Variants in MFRP observed in about 807,000 individuals in gnomAD.
MFRP encodes the protein C1q and TNF related 5.
MFRP carries 74 observed loss-of-function variants against 65.8 expected under a neutral mutation model. The observed-to-expected ratio is 1.12, with a 90% confidence interval of 0.93 to 1.36. The LOEUF (loss-of-function observed/expected upper bound fraction) is 1.36, where lower values mean the gene tolerates loss of function less well. Among genes scored for constraint, MFRP ranks in the 40% most tolerant of loss-of-function variants. The probability of loss-of-function intolerance (pLI) is 0.00; values close to 1 mark genes in which losing one functional copy is unlikely to be tolerated. For synonymous variants in MFRP, 336 were observed against 288.3 expected (o/e 1.17, Z -1.68); for missense variants, 838 against 736.0 (o/e 1.14, Z -1.60).
At chr11:119,345,335 G>A (rs1263524692) in intron 5 of MFRP, 85 bp downstream of exon 5, 5 of 1,387,190 alleles carry the variant, frequency 3.6e-6, no homozygotes, top group Middle Eastern at 2.0e-4. Context: ...TCCTCGGTTA[G>A]CCCTTCTCCC....
intron 8 of MFRP, 59 bp from the exon 9 acceptor site, chr11:119,344,023 C>T: frequency 1.9e-6 from 3 of 1,603,450 alleles, no homozygotes; most frequent in Admixed American, 1.7e-5. Flanking sequence ...ATCCCGGGCA[C>T]CCAGAAGGGT....
chr11:119,343,760 G>A (rs138105835), intron 9 of MFRP, 56 bp downstream of exon 9: 19 of 1,604,948 alleles, frequency 1.2e-5, no homozygotes, highest in South Asian at 5.5e-5. Flanking sequence ...CATGGAAGCC[G>A]GGGGTGGCAG....
intron 8 of MFRP, 95 bp from the exon 9 acceptor site, chr11:119,344,059 G>A (rs1268520880): frequency 1.8e-5 from 27 of 1,519,272 alleles, no homozygotes; most frequent in Non-Finnish European, 2.2e-5. Context: ...CTGGCTGGGG[G>A]GATGGGGTGG....
Position 119,343,861 on chromosome 11 carries a change from T to G in MFRP, c.1079A>C (p.Glu360Ala), listed in dbSNP as rs951438517. The change falls in exon 9 of 15, where the codon GAG becomes GCG. Residue 360 changes from glutamate (E) to alanine (A), a missense_variant. Glu to Ala is a moderately radical substitution (Grantham distance 107, BLOSUM62 -1). Transcript: ENST00000619721. ...CCCTGAGCTGCTGGTCTCATACACCTCCACGTAGTCAAACTTGCACTCGTC... is the reference window on the plus strand; with the variant it reads ...CCCTGAGCTGCTGGTCTCATACACCGCCACGTAGTCAAACTTGCACTCGTC... ...AQDECKFDYV[E>A]VYETSSSGAF... 1.2e-6 allele frequency: 2 copies of G among 1,613,904 alleles called. No individual in the cohort carries two copies. Among genetic ancestry groups the G allele is most frequent in the Non-Finnish European group, 1.7e-6 (2 of 1,180,004 alleles).
intron 2 of MFRP, 46 bp downstream of exon 2, chr11:119,346,226 C>A (rs1565296378): frequency 1.3e-6 from 2 of 1,572,314 alleles, no homozygotes; most frequent in Admixed American, 3.7e-5. Flanking sequence ...GTCCTTGGCT[C>A]CTGGGCCTCT....
chr11:119,342,133 AC>A (rs1212513500), intron 11 of MFRP, 149 bp from the exon 12 acceptor site: 3 of 964,536 alleles, frequency 3.1e-6, no homozygotes, highest in Non-Finnish European at 4.7e-6. Context: ...GACAGGCTGT[AC>A]ACACTCTGAG....
Position 119,342,488 on chromosome 11 carries a change from G to A in MFRP, c.1387+108C>T, listed in dbSNP as rs895309054. The A allele has an allele frequency of 4.3e-5, 62 of 1,443,582 alleles. 1 individual carries two copies. The Admixed American group carries it at 5.4e-4, about 13-fold the overall frequency. The allele number at this position is 1,443,582 out of a possible 1,614,324, so 89.4% of individuals were successfully genotyped here. A position where few individuals can be genotyped will look rare whatever the true frequency, so the allele number is the denominator to read the frequency against. On this transcript the variant is annotated intron_variant, in intron 11 of 14. Transcript: ENST00000619721. ...AGAGTCAGGATGGTGAGGCCAGCTG[G>A]CCCCGCCCCCTCAGGGAGGTTGGGA...
intron 4 of MFRP, 38 bp downstream of exon 4, chr11:119,345,735 T>G (rs1950557895): frequency 6.2e-7 from 1 of 1,613,180 alleles, no homozygotes; most frequent in Admixed American, 1.7e-5. Flanking sequence ...CCCGTCATCT[T>G]GGGCCCTTCT....
At position 119,342,858 on chromosome 11, in the gene MFRP, C is replaced by A. The variant is rs373984029; in HGVS notation, c.1255+15G>T. 1 of 1,613,114 alleles carries A rather than the reference C, an allele frequency of 6.2e-7. No homozygotes were observed. Among genetic ancestry groups the A allele is most frequent in the African/African-American group, 1.3e-5 (1 of 75,058 alleles). On this transcript the variant is annotated intron_variant, in intron 10 of 14. Transcript: ENST00000619721. ...TGCCTCTACTGCCCCCACCCACTTG[C>A]CCAGGGGCACCTACTCTCCGTGGCA...
chr11:119,342,078 G>A (rs1950508611), intron 11 of MFRP, 94 bp from the exon 12 acceptor site: 5 of 1,474,692 alleles, frequency 3.4e-6, no homozygotes, highest in Non-Finnish European at 4.7e-6. Flanking sequence ...GTGTGTACAT[G>A]GGTCCAATGG....
chr11:119,343,122 A>T, intron 9 of MFRP, 119 bp from the exon 10 acceptor site: 2 of 1,280,748 alleles, frequency 1.6e-6, no homozygotes, highest in Non-Finnish European at 2.2e-6. Context: ...GTGATGGAAG[A>T]CACAGGGTTA....
rs1382095043 is a variant in MFRP, at chr11:119,341,533, G to A, written c.*15C>T. 5 of 1,607,776 alleles carry A rather than the reference G, an allele frequency of 3.1e-6. No individual in the cohort carries two copies. In the South Asian group the frequency reaches 4.4e-5, roughly 14 times the overall value. ...AAGAGGACGGGCAGGAAGAGGGCAG[G>A]GGCCGGCTTCAGGGTCAGGGCTGGG... On this transcript the variant is annotated 3_prime_UTR_variant, in exon 13 of 15. Transcript: ENST00000619721.
chr11:119,342,476 T>C, intron 11 of MFRP, 120 bp downstream of exon 11: 2 of 1,338,784 alleles, frequency 1.5e-6, no homozygotes, highest in Non-Finnish European at 2.0e-6. Context: ...GTCAGGATGG[T>C]GAGGCCAGCT....
chr11:119,342,877 CG>C lies in MFRP; in HGVS notation c.1250del (p.Thr417ArgfsTer61), dbSNP rs1950517316. ...FSATYLAFNA[T>X]ENPCGPSELS... ...CACTTGCCCAGGGGCACCTACTCTC[CG>C]TGGCATTGAAGGCCAGGTAGGTGGC... On this transcript the variant is annotated frameshift_variant, in exon 10 of 15. Transcript: ENST00000619721. LOFTEE classifies it high-confidence loss of function. 1 of 1,613,092 alleles carries C rather than the reference CG, an allele frequency of 6.2e-7. No individual in the cohort carries two copies.
Position 119,344,746 on chromosome 11 carries a change from G to T in MFRP, c.784C>A (p.His262Asn). ...AGCTGGTCACAGCGGAACTCATCAT[G>T]GGCACAGCTCCCTGGATGTGGGCAC... Reference protein sequence around the residue: ...AMAPGRGSCAHDEFRCDQLIC... With the variant: ...AMAPGRGSCANDEFRCDQLIC... Residue 262 changes from histidine to asparagine, a missense_variant, in exon 7 of 15, where the codon CAT becomes AAT. By Grantham distance (68) the His-to-Asn change is moderately conservative (BLOSUM62 1). Coordinates refer to ENST00000619721, the MANE Select transcript of MFRP (RefSeq NM_031433.4). 1 of 1,614,020 alleles carries T rather than the reference G, an allele frequency of 6.2e-7. No individual in the cohort carries two copies.
rs992632789 is a variant in MFRP at position 119,341,580 on chromosome 11, C to T, written c.1708G>A (p.Ala570Thr). 6.2e-7 allele frequency: 1 copy of T among 1,612,858 alleles called. No individual in the cohort carries two copies. Among genetic ancestry groups the T allele is most frequent in the Non-Finnish European group, 8.5e-7 (1 of 1,179,976 alleles). ...TGGGCACAAGCTTCCAGGTCAGCTG[C>T]CTCTGGCAGCCTGTTGCAGTTGAAG... Reference protein sequence around the residue: ...WPFNCNRLPEAADLEACAQP With the variant: ...WPFNCNRLPETADLEACAQP Residue 570 changes from alanine to threonine, a missense_variant, in exon 13 of 15, where the codon GCA (alanine) becomes ACA (threonine). Transcript: ENST00000619721.
At position 119,346,344 on chromosome 11, in the gene MFRP, C is replaced by T. The variant is rs771256990; in HGVS notation, c.85G>A (p.Glu29Lys). ...GGGGGAGGGCAGGGTGGCCCAGACT[C>T]AGGCTCGAAGGCAGGATTGCAGAAC... is the stretch of plus-strand genomic sequence containing the variant. ...TEFCNPAFEPESGPPCPPPVF... is the reference protein window; with the variant it reads ...TEFCNPAFEPKSGPPCPPPVF... The change falls in exon 2 of 15, where the codon GAG becomes AAG. Residue 29 changes from glutamate (E) to lysine (K), a missense_variant. Glu to Lys is a moderately conservative substitution (Grantham distance 56). Coordinates refer to ENST00000619721, the MANE Select transcript of MFRP (RefSeq NM_031433.4). 2.1e-5 allele frequency: 34 copies of T among 1,613,924 alleles called. No individual in the cohort carries two copies. Among genetic ancestry groups the T allele is most frequent in the Non-Finnish European group, 2.8e-5 (33 of 1,180,022 alleles).
rs768821463 is a variant in MFRP at position 119,345,912 on chromosome 11, G to A, written c.288C>T (p.Pro96=). 2 of 1,613,730 alleles carry A rather than the reference G, an allele frequency of 1.2e-6. No individual in the cohort carries two copies. The highest frequency in any genetic ancestry group is 1.1e-5 in the South Asian group (1 of 91,078). ...AIILAQLQAA[P]PSGASHSPLP... The stretch of plus-strand genomic sequence containing the variant: ...GTGGGCTATGGGACGCCCCAGATGG[G>A]GGTGCAGCCTGCAGCTCTGGAGGCG... Residue 96 remains proline, a synonymous_variant, in exon 4 of 15, where the codon CCC becomes CCT. Transcript: ENST00000619721.
rs780357123 is a variant in MFRP, at chr11:119,343,911, G to T, written c.1029C>A (p.Phe343Leu). 4 of 1,613,836 alleles carry T rather than the reference G, an allele frequency of 2.5e-6. No individual in the cohort carries two copies. The South Asian group carries it at 4.4e-5, about 18-fold the overall frequency. ...VPAGHSIELQ[F>L]HNFSLEAQDE... ...CCTGAGCCTCCAGGCTGAAGTTGTGGAACTGTAGTTCTATGCTGTGTCCGG... is the reference window on the plus strand; with the variant it reads ...CCTGAGCCTCCAGGCTGAAGTTGTGTAACTGTAGTTCTATGCTGTGTCCGG... The change falls in exon 9 of 15, where the codon TTC (phenylalanine) becomes TTA (leucine). Residue 343 changes from phenylalanine (F) to leucine (L), a missense_variant. By Grantham distance (22) the Phe-to-Leu change is conservative. Coordinates refer to ENST00000619721, the MANE Select transcript of MFRP (RefSeq NM_031433.4).
Sources: gnomAD v4.1 joint callset for allele counts on GRCh38, gnomAD v4.1.1 for gene constraint, MANE v1.5 for transcripts, NCBI Gene and HGNC (gene_info 2026-07-23, HGNC 2026-07-21) for gene names.